The following SH2D4A variants were observed in gnomAD, a reference collection of about 807,000 sequenced individuals.
The protein encoded by SH2D4A is SH2 domain-containing protein 4A.
Under a neutral mutation model 64.7 loss-of-function variants are expected in SH2D4A, and 70 were observed. That is an observed-to-expected ratio of 1.08 (90% CI 0.89 to 1.32). The LOEUF (loss-of-function observed/expected upper bound fraction) is 1.32, where lower values mean the gene tolerates loss of function less well. Ranked by LOEUF, SH2D4A falls within the 40% of genes most tolerant of loss-of-function variation. The pLI, the probability that SH2D4A is intolerant of heterozygous loss-of-function variation, is 0.00. For missense variants in SH2D4A, 706 were observed against 540.1 expected, an observed-to-expected ratio of 1.31 and a Z score of -3.04; for synonymous variants, 268 against 200.7, an observed-to-expected ratio of 1.34 and a Z score of -2.83.
chr8:19,391,437 C>A (rs2053491051), intron 8 of SH2D4A, among the ~76,000 whole-genome samples: 1 of 152,148 alleles, frequency 6.6e-6, no homozygotes, highest in Non-Finnish European at 1.5e-5. Flanking sequence ...GGACATGATA[C>A]ATGCAATGCA....
rs190105261 is a variant in SH2D4A at position 19,370,260 on chromosome 8, T to C, written c.918-3270T>C. ...GGTTGATTAGAATAGTCTATAATTG[T>C]CTGTTAGGTACATTCTAGAGTGTGG... On this transcript the variant is annotated intron_variant, in intron 7 of 9. Transcript: ENST00000265807. Among the ~76,000 whole-genome samples, 5 of 152,214 alleles carry C rather than the reference T, an allele frequency of 3.3e-5. No homozygotes were observed. The East Asian group carries it at 9.6e-4, about 29-fold the overall frequency.
chr8:19,368,464 T>G, intron 7 of SH2D4A, among the ~76,000 whole-genome samples: 1 of 152,148 alleles, frequency 6.6e-6, no homozygotes, highest in African/African-American at 2.4e-5. Flanking sequence ...CCATTTTGAC[T>G]ATTAATTTTT....
At chr8:19,387,995 A>ATGT (rs1334839316) in intron 8 of SH2D4A, among the ~76,000 whole-genome samples, 2 of 152,246 alleles carry the variant, frequency 1.3e-5, no homozygotes, top group African/African-American at 4.8e-5. Flanking sequence ...CTAAGCTCAG[A>ATGT]TGTTGGAAGA....
At chr8:19,377,102 C>T (rs34281757) in intron 8 of SH2D4A, among the ~76,000 whole-genome samples, 10,143 of 152,180 alleles carry the variant, frequency 0.067, 487 homozygotes, top group Admixed American at 0.16. Flanking sequence ...CTTGCCAGGG[C>T]GGGCATGGTG....
intron 2 of SH2D4A, among the ~76,000 whole-genome samples, chr8:19,328,418 G>A (rs940324329): frequency 3.3e-5 from 5 of 151,808 alleles, no homozygotes; most frequent in East Asian, 1.9e-4. Context: ...CTGCCTGTCC[G>A]CTGCTGTGTT....
chr8:19,341,589 T>C (rs1049867377), intron 4 of SH2D4A, among the ~76,000 whole-genome samples: 2 of 152,204 alleles, frequency 1.3e-5, no homozygotes, highest in African/African-American at 2.4e-5. Context: ...ACATCTGTAA[T>C]GCCTGCACTT....
chr8:19,362,374 T>C (rs1261012417), intron 6 of SH2D4A, among the ~76,000 whole-genome samples: 6 of 152,210 alleles, frequency 3.9e-5, no homozygotes, highest in Non-Finnish European at 8.8e-5. Context: ...TTGAGTCTCA[T>C]TGCTATAACA....
At chr8:19,334,206 G>T (rs2052405000) in intron 3 of SH2D4A, among the ~76,000 whole-genome samples, 1 of 152,186 alleles carries the variant, frequency 6.6e-6, no homozygotes, top group Non-Finnish European at 1.5e-5. Context: ...GTTCCCAAGG[G>T]CTAGGGATGC....
chr8:19,365,980 A>G (rs1482355544), intron 7 of SH2D4A, among the ~76,000 whole-genome samples: 2 of 152,188 alleles, frequency 1.3e-5, no homozygotes, highest in Admixed American at 1.3e-4. Context: ...TCCGAAAATC[A>G]TTAGGGATAA....
At chr8:19,335,673 A>G (rs1196310451) in intron 4 of SH2D4A, among the ~76,000 whole-genome samples, 3 of 152,192 alleles carry the variant, frequency 2.0e-5, no homozygotes, top group African/African-American at 7.2e-5. Context: ...ACTGAGTCTT[A>G]GCCTTTTTGT....
chr8:19,349,973 G>A (rs2052672405), intron 4 of SH2D4A, among the ~76,000 whole-genome samples: 1 of 152,154 alleles, frequency 6.6e-6, no homozygotes, highest in Non-Finnish European at 1.5e-5. Context: ...CAAAGTGCTG[G>A]CATTATAGGC....
chr8:19,334,953 C>T (rs920089494), intron 4 of SH2D4A, 96 bp downstream of exon 4: 2 of 1,380,518 alleles, frequency 1.4e-6, no homozygotes, highest in South Asian at 1.5e-5. Flanking sequence ...TGTCAGGATC[C>T]TCCAGTGGCT....
chr8:19,378,264 G>C (rs1160357124), intron 8 of SH2D4A, among the ~76,000 whole-genome samples: 1 of 152,082 alleles, frequency 6.6e-6, no homozygotes, highest in Non-Finnish European at 1.5e-5. Context: ...AGGGAGATAA[G>C]TTTTTCATTT....
At chr8:19,324,123 G>A (rs531529900) in intron 2 of SH2D4A, among the ~76,000 whole-genome samples, 116 of 152,306 alleles carry the variant, frequency 7.6e-4, no homozygotes, top group Non-Finnish European at 3.5e-4. Flanking sequence ...ACATGTGCTC[G>A]CGTCAGGAAT....
At chr8:19,345,089 C>T (rs907177780) in intron 4 of SH2D4A, among the ~76,000 whole-genome samples, 2 of 152,294 alleles carry the variant, frequency 1.3e-5, no homozygotes, top group Admixed American at 1.3e-4. Flanking sequence ...TTTTCTTAAT[C>T]TATAAAATGA....
intron 5 of SH2D4A, among the ~76,000 whole-genome samples, chr8:19,358,743 T>C (rs996726085): frequency 3.3e-5 from 5 of 152,134 alleles, no homozygotes; most frequent in African/African-American, 1.2e-4. Context: ...GATGAAGGAA[T>C]TGGTGGGGAG....
Position 19,371,883 on chromosome 8 carries a change from T to C in SH2D4A, c.918-1647T>C, listed in dbSNP as rs376619024. Among the ~76,000 whole-genome samples the C allele has an allele frequency of 2.3e-4, 35 of 152,346 alleles. No individual in the cohort carries two copies. In the East Asian group the frequency reaches 5.6e-3, roughly 24 times the overall value. ...TTTTCGGCTCCAGGATTTGATTTTT[T>C]AAAATTACTTCAGTCTTTCTGCTAC... On this transcript the variant is annotated intron_variant, in intron 7 of 9. Transcript: ENST00000265807.
At position 19,369,063 on chromosome 8, in the gene SH2D4A, C is replaced by T. The variant is rs76626800; in HGVS notation, c.918-4467C>T. Among the ~76,000 whole-genome samples the T allele has an allele frequency of 5.9e-3, 898 of 152,118 alleles. 43 individuals are homozygous for T. In the East Asian group the frequency reaches 0.11, roughly 19 times the overall value. On this transcript the variant is annotated intron_variant, in intron 7 of 9. Transcript: ENST00000265807. Reference sequence around the variant, plus strand: ...AAGGGATATTGAATTTTAGTAAATGCTTTACCTGTGTCTGTTGAGATGATC... The same window carrying T: ...AAGGGATATTGAATTTTAGTAAATGTTTTACCTGTGTCTGTTGAGATGATC...
At chr8:19,388,584 T>C (rs751122034) in intron 8 of SH2D4A, among the ~76,000 whole-genome samples, 7 of 152,226 alleles carry the variant, frequency 4.6e-5, no homozygotes, top group Non-Finnish European at 7.3e-5. Context: ...ATACAAACTT[T>C]ATTTGGCCAT....
Sources: allele counts gnomAD v4.1 joint callset (sites outside exome capture counted in the v4.1 genomes callset), GRCh38; gene constraint gnomAD v4.1.1; transcripts MANE v1.5; gene names NCBI Gene and HGNC (gene_info 2026-07-23, HGNC 2026-07-21).